EHBP1: variants seen among roughly 807,000 people sequenced by gnomAD.
EHBP1 encodes EH domain-binding protein 1.
Under a neutral mutation model 144.0 loss-of-function variants are expected in EHBP1, and 55 were observed. The observed-to-expected ratio is 0.38, with a 90% CI of 0.31 to 0.48. The LOEUF (loss-of-function observed/expected upper bound fraction) is 0.48, where lower values mean the gene tolerates loss of function less well. Ranked by LOEUF, EHBP1 falls within the 20% of genes least tolerant of loss-of-function variation. EHBP1 has a pLI of 0.98. For missense variants in EHBP1, 1,200 were observed against 1,364.2 expected (o/e 0.88, Z 1.90); for synonymous variants, 469 against 472.7 (o/e 0.99, Z 0.10).
Position 62,979,292 on chromosome 2 carries a change from A to C in EHBP1, c.2565A>C (p.Glu855Asp), listed in dbSNP as rs369648477. ...TGTCAGAACTTCCCAGCTATGGTGA[A>C]ATGGCTGCAGAAAAGTTGAAAGAAA... ...VKMSELPSYG[E>D]MAAEKLKERS... The change falls in exon 15 of 23, where the codon GAA becomes GAC. Residue 855 changes from glutamate (E) to aspartate (D), a missense_variant. Glu to Asp is a conservative substitution (Grantham distance 45). Coordinates refer to ENST00000431489, the MANE Select transcript of EHBP1 (RefSeq NM_001142616.3). 1.2e-6 allele frequency: 2 copies of C among 1,613,916 alleles called. No individual in the cohort carries two copies. Among genetic ancestry groups the C allele is most frequent in the Non-Finnish European group, 8.5e-7 (1 of 1,179,884 alleles).
chr2:62,863,849 T>TTTG, intron 8 of EHBP1, among the ~76,000 whole-genome samples: 1 of 136,898 alleles, frequency 7.3e-6, no homozygotes, highest in Non-Finnish European at 1.6e-5. Flanking sequence ...TGTTTTTTTT[T>TTTG]TTTTTTTTTT....
intron 19 of EHBP1, among the ~76,000 whole-genome samples, chr2:63,024,487 A>G (rs1019049035): frequency 7.2e-5 from 11 of 151,986 alleles, no homozygotes; most frequent in Admixed American, 1.3e-4. Flanking sequence ...TTGTGGTCCC[A>G]GCTACTCAGG....
chr2:62,764,300 A>G lies in EHBP1; in HGVS notation c.197A>G (p.Tyr66Cys), dbSNP rs1213151853. Residue 66 changes from tyrosine to cysteine, a missense_variant, in exon 4 of 23, where the codon TAT becomes TGT. Tyr to Cys is a radical substitution (Grantham distance 194). Transcript: ENST00000431489. ...HSWQPGIKNP[Y>C]RGVVVWPVPE... ...TGGCAACCTGGAATAAAAAATCCCT[A>G]TCGTGGTGTTGTTGTGTGGCCTGTT... 2 of 1,578,932 alleles carry G rather than the reference A, an allele frequency of 1.3e-6. No homozygotes were observed. The highest frequency in any genetic ancestry group is 2.3e-5 in the South Asian group (2 of 85,430).
At chr2:62,931,831 G>A (rs2056015699) in intron 10 of EHBP1, among the ~76,000 whole-genome samples, 2 of 152,088 alleles carry the variant, frequency 1.3e-5, no homozygotes, top group Admixed American at 1.3e-4. Flanking sequence ...AGCGAAGTAT[G>A]ATATATAGAC....
chr2:62,752,927 C>G (rs762144823), intron 3 of EHBP1, among the ~76,000 whole-genome samples: 1 of 152,156 alleles, frequency 6.6e-6, no homozygotes, highest in South Asian at 2.1e-4. Context: ...CTGAATACAG[C>G]GCACTGATGG....
At chr2:62,939,387 C>T (rs1348219807) in intron 10 of EHBP1, among the ~76,000 whole-genome samples, 2 of 152,146 alleles carry the variant, frequency 1.3e-5, no homozygotes, top group African/African-American at 4.8e-5. Context: ...AATTCTCCTG[C>T]CTCAGCCTCC....
intron 8 of EHBP1, among the ~76,000 whole-genome samples, chr2:62,863,934 CCT>C (rs2152811005): frequency 7.3e-6 from 1 of 137,408 alleles, no homozygotes; most frequent in South Asian, 2.4e-4. Flanking sequence ...GTAATCTCTG[CCT>C]CCTGGATTCA....
At chr2:62,783,178 G>A (rs774615945) in intron 5 of EHBP1, among the ~76,000 whole-genome samples, 1 of 152,224 alleles carries the variant, frequency 6.6e-6, no homozygotes, top group Admixed American at 6.5e-5. Context: ...TGCAAGAGGT[G>A]GCACTCACAG....
intron 1 of EHBP1, among the ~76,000 whole-genome samples, chr2:62,675,585 A>T (rs1025919789): frequency 6.6e-6 from 1 of 152,154 alleles, no homozygotes; most frequent in Non-Finnish European, 1.5e-5. Flanking sequence ...GAACATGGGG[A>T]AAAAAGGAAG....
intron 8 of EHBP1, 144 bp from the exon 9 acceptor site, chr2:62,864,587 A>G: frequency 2.7e-6 from 2 of 748,170 alleles, no homozygotes; most frequent in Non-Finnish European, 4.2e-6. Flanking sequence ...TCTAAAATAT[A>G]TTATTGTTTT....
chr2:62,708,323 C>T (rs1572904338), intron 2 of EHBP1, among the ~76,000 whole-genome samples: 1 of 152,084 alleles, frequency 6.6e-6, no homozygotes, highest in East Asian at 1.9e-4. Flanking sequence ...TACTTTATAC[C>T]AGGTACTGTG....
intron 10 of EHBP1, among the ~76,000 whole-genome samples, chr2:62,883,050 G>A (rs1388601614): frequency 7.9e-5 from 12 of 151,552 alleles, no homozygotes; most frequent in Non-Finnish European, 1.3e-4. Flanking sequence ...ACATATATAT[G>A]TACTGTCTAT....
At chr2:62,942,607 A>T (rs1349152920) in intron 10 of EHBP1, 111 bp from the exon 11 acceptor site, 1 of 863,744 alleles carries the variant, frequency 1.2e-6, no homozygotes, top group Non-Finnish European at 1.7e-6. Flanking sequence ...ACAGTTGTGA[A>T]GGATCTAAAC....
At position 62,759,986 on chromosome 2, in the gene EHBP1, C is replaced by T. The variant is rs548844733; in HGVS notation, c.163-4280C>T. ...CTCTGCTTTCTACTAGTACAGTTGT[C>T]CCTAGGTATATACGGGGGATTGGTT... On this transcript the variant is annotated intron_variant, in intron 3 of 22. Coordinates refer to ENST00000431489, the MANE Select transcript of EHBP1 (RefSeq NM_001142616.3). Among the ~76,000 whole-genome samples the T allele has an allele frequency of 3.3e-5, 5 of 152,068 alleles. No homozygotes were observed. The East Asian group carries it at 9.7e-4, about 29-fold the overall frequency.
In EHBP1 at chr2:62,764,309, T is replaced by G. The variant is rs143106870; in HGVS notation, c.206T>G (p.Val69Gly). 17 of 1,584,558 alleles carry G rather than the reference T, an allele frequency of 1.1e-5. No homozygotes were observed. The highest frequency in any genetic ancestry group is 3.5e-5 in the South Asian group (3 of 86,178). The stretch of plus-strand genomic sequence containing the variant: ...GGAATAAAAAATCCCTATCGTGGTG[T>G]TGTTGTGTGGCCTGTTCCTGAAAAC... The part of the protein sequence containing the change: ...QPGIKNPYRG[V>G]VVWPVPENIE... Residue 69 changes from valine to glycine, a missense_variant, in exon 4 of 23, where the codon GTT becomes GGT. Physicochemically the swap from Val to Gly is moderately radical, Grantham distance 109. Transcript: ENST00000431489.
intron 2 of EHBP1, 48 bp downstream of exon 2, chr2:62,707,343 ACTGT>A: frequency 5.1e-6 from 7 of 1,378,052 alleles, no homozygotes; most frequent in Non-Finnish European, 7.3e-6. Flanking sequence ...GCCTAAGCAT[ACTGT>A]GGCCTAAACT....
intron 10 of EHBP1, among the ~76,000 whole-genome samples, chr2:62,889,923 G>A (rs1297656776): frequency 3.3e-5 from 5 of 149,670 alleles, no homozygotes; most frequent in East Asian, 2.0e-4. Context: ...GATTGCCTTC[G>A]CTATTCAGGA....
chr2:62,685,454 T>A (rs1382829631), intron 1 of EHBP1, among the ~76,000 whole-genome samples: 3 of 152,092 alleles, frequency 2.0e-5, no homozygotes, highest in African/African-American at 7.2e-5. Context: ...AACACCCAAG[T>A]CTGTGCCTTC....
chr2:62,952,475 C>G (rs1055131960), intron 13 of EHBP1, among the ~76,000 whole-genome samples: 1 of 152,126 alleles, frequency 6.6e-6, no homozygotes, highest in Non-Finnish European at 1.5e-5. Flanking sequence ...GTAACTCTTA[C>G]AATTAAGACC....
Sources: gnomAD v4.1 joint callset for allele counts (sites outside exome capture counted in the v4.1 genomes callset) on GRCh38, gnomAD v4.1.1 for gene constraint, MANE v1.5 for transcripts, NCBI Gene and HGNC (gene_info 2026-07-23, HGNC 2026-07-21) for gene names.